XIRP2: variants seen among roughly 807,000 people sequenced by gnomAD.
The protein encoded by XIRP2 is xin actin binding repeat containing 2, also known as xin actin-binding repeat-containing protein 2.
A neutral mutation model predicts 277.0 loss-of-function variants in XIRP2; 236 were observed. The observed-to-expected ratio is 0.85, with a 90% CI of 0.77 to 0.95. XIRP2 has a LOEUF of 0.95. XIRP2 is among the 40% of genes least tolerant of loss of function. XIRP2 has a pLI of 0.00. For synonymous variants in XIRP2, 1,490 were observed against 1,416.5 expected (o/e 1.05, Z -1.17); for missense variants, 4,640 against 4,157.5 (o/e 1.12, Z -3.19).
At chr2:167,141,100 T>G (rs1415342358) in intron 3 of XIRP2, 1 of 152,164 alleles carries the variant, frequency 6.6e-6, no homozygotes, top group Non-Finnish European at 1.5e-5. Flanking sequence ...TTTTAAAACA[T>G]GAGGCCATTG....
At position 167,249,210 on chromosome 2, in the gene XIRP2, T is replaced by G; in HGVS notation, c.7818T>G (p.Thr2606=). ...VSLSGIDSEC[T]VVQPSPGSQS... ...TATCTGGAATTGATTCAGAATGCAC[T>G]GTGGTTCAACCCAGCCCAGGCTCTC... The change falls in exon 9 of 11, where the codon ACT becomes ACG. Residue 2606 remains threonine (T), a synonymous_variant. Coordinates refer to ENST00000409195, the MANE Select transcript of XIRP2 (RefSeq NM_152381.6). 1.2e-6 allele frequency: 2 copies of G among 1,613,688 alleles called. No individual in the cohort carries two copies. The highest frequency in any genetic ancestry group is 1.7e-6 in the Non-Finnish European group (2 of 1,179,764).
chr2:167,040,031 A>C (rs990657558), intron 2 of XIRP2, among the ~76,000 whole-genome samples: 1 of 152,168 alleles, frequency 6.6e-6, no homozygotes, highest in African/African-American at 2.4e-5. Flanking sequence ...TTTGTTCTAT[A>C]ATATGGATTG....
At chr2:166,928,674 CA>C (rs917849345) in intron 2 of XIRP2, among the ~76,000 whole-genome samples, 1 of 152,102 alleles carries the variant, frequency 6.6e-6, no homozygotes, top group Non-Finnish European at 1.5e-5. Flanking sequence ...ATCAATGTTT[CA>C]AGCAGCATAA....
Position 167,218,286 on chromosome 2 carries a change from A to G in XIRP2, c.844A>G (p.Asn282Asp). 6.3e-7 allele frequency: 1 copy of G among 1,583,278 alleles called. No individual in the cohort carries two copies. The highest frequency in any genetic ancestry group is 8.6e-7 in the Non-Finnish European group (1 of 1,164,958). The change falls in exon 5 of 11, where the codon AAC becomes GAC. Residue 282 changes from asparagine to aspartate, a missense_variant. Coordinates refer to ENST00000409195, the MANE Select transcript of XIRP2 (RefSeq NM_152381.6). ...TFAQYQYQHQ[N>D]RSEQEAIHSS... ...TGCTCAATACCAATATCAACATCAG[A>G]ACAGATCTGAGCAGGTAATACTACT...
chr2:167,244,119 T>C lies in XIRP2; in HGVS notation c.2727T>C (p.Val909=). Residue 909 remains valine (V), a synonymous_variant, in exon 9 of 11, where the codon GTT becomes GTC. Coordinates refer to ENST00000409195, the MANE Select transcript of XIRP2 (RefSeq NM_152381.6). ...CCTCTGAAGAAGAAAAAGGGGATGT[T>C]AGGCATCAAAAATGGATTTTTGAAA... ...ITASEEEKGD[V]RHQKWIFETQ... 6.2e-7 allele frequency: 1 copy of C among 1,613,888 alleles called. No homozygotes were observed. The highest frequency in any genetic ancestry group is 8.5e-7 in the Non-Finnish European group (1 of 1,179,916).
intron 2 of XIRP2, among the ~76,000 whole-genome samples, chr2:167,104,287 C>T (rs964525475): frequency 2.6e-5 from 4 of 151,844 alleles, no homozygotes; most frequent in Admixed American, 6.6e-5. Flanking sequence ...ACAAAAGAAG[C>T]GCATACTGAT....
At chr2:167,023,084 A>G (rs906407396) in intron 2 of XIRP2, among the ~76,000 whole-genome samples, 33 of 152,160 alleles carry the variant, frequency 2.2e-4, no homozygotes, top group African/African-American at 6.3e-4. Context: ...GTGTAAAAGT[A>G]TTCCTATTTC....
At chr2:167,035,777 C>A (rs1040953843) in intron 2 of XIRP2, among the ~76,000 whole-genome samples, 1 of 152,110 alleles carries the variant, frequency 6.6e-6, no homozygotes, top group Non-Finnish European at 1.5e-5. Flanking sequence ...TGTCTGGGAA[C>A]TTCATGGTGG....
chr2:167,259,304 G>A lies in XIRP2; in HGVS notation c.*1487G>A, dbSNP rs374968672. On this transcript the variant is annotated 3_prime_UTR_variant, in exon 11 of 11. Coordinates refer to ENST00000409195, the MANE Select transcript of XIRP2 (RefSeq NM_152381.6). ...GTTTCCCAGAGTGGAGGTGCAGTCA[G>A]AACAACTCACGGTGGAAGAGCAGAT... 1.2e-6 allele frequency: 2 copies of A among 1,613,010 alleles called. No individual in the cohort carries two copies. Among genetic ancestry groups the A allele is most frequent in the Non-Finnish European group, 1.7e-6 (2 of 1,179,524 alleles).
At chr2:166,995,633 C>T (rs1352244261) in intron 2 of XIRP2, among the ~76,000 whole-genome samples, 1 of 152,112 alleles carries the variant, frequency 6.6e-6, no homozygotes, top group Non-Finnish European at 1.5e-5. Context: ...TCTCCATCTC[C>T]TATAATATGG....
chr2:167,081,206 C>T (rs1289327670), intron 2 of XIRP2, among the ~76,000 whole-genome samples: 4 of 152,156 alleles, frequency 2.6e-5, no homozygotes, highest in African/African-American at 9.7e-5. Flanking sequence ...TGTCTCATGC[C>T]TATAATCCCA....
At chr2:167,018,552 T>A (rs1558949450) in intron 2 of XIRP2, among the ~76,000 whole-genome samples, 1 of 151,742 alleles carries the variant, frequency 6.6e-6, no homozygotes, top group Non-Finnish European at 1.5e-5. Context: ...AGCAGCAAAA[T>A]CTGAGAATTC....
chr2:167,059,114 T>A (rs552087471), intron 2 of XIRP2, among the ~76,000 whole-genome samples: 405 of 138,046 alleles, frequency 2.9e-3, no homozygotes, highest in Non-Finnish European at 5.5e-3. Flanking sequence ...TTTTTTTTTT[T>A]TTTTTTTTTT....
intron 2 of XIRP2, among the ~76,000 whole-genome samples, chr2:167,122,933 A>T (rs1691097662): frequency 6.6e-6 from 1 of 151,978 alleles, no homozygotes; most frequent in Non-Finnish European, 1.5e-5. Context: ...TGTGTGCCTT[A>T]ATTTGTGCTT....
intron 2 of XIRP2, among the ~76,000 whole-genome samples, chr2:167,095,584 G>A (rs746916611): frequency 2.4e-4 from 36 of 152,152 alleles, no homozygotes; most frequent in East Asian, 9.7e-4. Flanking sequence ...TGTGGTTTTC[G>A]TCTTTGGTTC....
intron 2 of XIRP2, among the ~76,000 whole-genome samples, chr2:167,015,566 C>A (rs1237314252): frequency 6.6e-6 from 1 of 151,686 alleles, no homozygotes; most frequent in Non-Finnish European, 1.5e-5. Flanking sequence ...CTTAAAGTCA[C>A]CTAAGTTGCA....
At chr2:167,067,382 T>C (rs1478735659) in intron 2 of XIRP2, among the ~76,000 whole-genome samples, 1 of 152,158 alleles carries the variant, frequency 6.6e-6, no homozygotes, top group Non-Finnish European at 1.5e-5. Flanking sequence ...GAATTTTCTA[T>C]TTTTTCTCCC....
intron 2 of XIRP2, among the ~76,000 whole-genome samples, chr2:167,071,278 T>A (rs1689430823): frequency 6.6e-6 from 1 of 152,220 alleles, no homozygotes; most frequent in African/African-American, 2.4e-5. Context: ...AAAACTGATG[T>A]GAATGGCAGC....
At chr2:167,070,972 T>C (rs1040810832) in intron 2 of XIRP2, among the ~76,000 whole-genome samples, 1 of 152,190 alleles carries the variant, frequency 6.6e-6, no homozygotes, top group African/African-American at 2.4e-5. Context: ...CACAGCAATA[T>C]CATTTACATA....
Sources: gnomAD v4.1 joint callset for allele counts (sites outside exome capture counted in the v4.1 genomes callset) on GRCh38, gnomAD v4.1.1 for gene constraint, MANE v1.5 for transcripts, NCBI Gene and HGNC (gene_info 2026-07-23, HGNC 2026-07-21) for gene names.